Variants in SLC5A4 observed in about 807,000 individuals in gnomAD.
The protein encoded by SLC5A4 is solute carrier family 5 member 4.
A neutral mutation model predicts 70.3 loss-of-function variants in SLC5A4; 55 were observed. The observed-to-expected ratio is 0.78, with a 90% CI of 0.63 to 0.98. The LOEUF is 0.98. Ranked by LOEUF, SLC5A4 falls within the 50% of genes least tolerant of loss-of-function variation. SLC5A4 has a pLI of 0.00. For missense variants in SLC5A4, 735 were observed against 839.2 expected, an observed-to-expected ratio of 0.88 and a Z score of 1.53; for synonymous variants, 268 against 305.7, an observed-to-expected ratio of 0.88 and a Z score of 1.29.
chr22:32,266,494 A>G, the SLC5A4 span, among the ~76,000 whole-genome samples: 6 of 152,254 alleles, frequency 3.9e-5, no homozygotes, highest in Non-Finnish European at 8.8e-5. Flanking sequence ...TTAAGCACAA[A>G]CTATTTACAA....
the SLC5A4 span, among the ~76,000 whole-genome samples, chr22:32,350,923 C>G: frequency 6.7e-6 from 1 of 149,764 alleles, no homozygotes; most frequent in African/African-American, 2.5e-5. Context: ...AAAAAAAGTT[C>G]ATAACAAAGG....
chr22:32,229,387 A>C, intron 10 of SLC5A4, 43 bp from the exon 11 acceptor site: 1 of 1,599,946 alleles, frequency 6.3e-7, no homozygotes, highest in South Asian at 1.1e-5. Flanking sequence ...GTGGCTGGAC[A>C]CTGCCTTGCT....
the SLC5A4 span, among the ~76,000 whole-genome samples, chr22:32,303,450 G>A: frequency 2.0e-5 from 3 of 152,204 alleles, no homozygotes; most frequent in Non-Finnish European, 4.4e-5. Context: ...TGGCTTTAGT[G>A]AAACAATAGG....
chr22:32,240,555 T>C (rs1410357472), intron 5 of SLC5A4, among the ~76,000 whole-genome samples: 1 of 152,174 alleles, frequency 6.6e-6, no homozygotes, highest in Non-Finnish European at 1.5e-5. Context: ...TGTTTTAATT[T>C]TCCTAAAATT....
chr22:32,313,893 G>C, the SLC5A4 span, among the ~76,000 whole-genome samples: 1 of 152,176 alleles, frequency 6.6e-6, no homozygotes, highest in Admixed American at 6.5e-5. Context: ...AGAAGGCAGG[G>C]AGAAACTGGG....
intron 11 of SLC5A4, among the ~76,000 whole-genome samples, chr22:32,227,325 C>T (rs1038011834): frequency 2.6e-5 from 4 of 152,164 alleles, no homozygotes; most frequent in South Asian, 2.1e-4. Context: ...TGAACACCAA[C>T]CAGTACCTTC....
chr22:32,325,157 C>T, the SLC5A4 span, among the ~76,000 whole-genome samples: 1 of 152,252 alleles, frequency 6.6e-6, no homozygotes, highest in African/African-American at 2.4e-5. Flanking sequence ...CTCTTGGCCC[C>T]TCGCACTAGG....
the SLC5A4 span, among the ~76,000 whole-genome samples, chr22:32,333,665 C>T: frequency 2.6e-5 from 4 of 152,062 alleles, no homozygotes; most frequent in African/African-American, 9.7e-5. Flanking sequence ...GCATTCCTGG[C>T]CCGCCCCTGA....
At chr22:32,351,831 G>T in the SLC5A4 span, among the ~76,000 whole-genome samples, 2 of 150,852 alleles carry the variant, frequency 1.3e-5, no homozygotes, top group African/African-American at 2.4e-5. Context: ...TAAGGCCATT[G>T]CTTGTGATAA....
the SLC5A4 span, among the ~76,000 whole-genome samples, chr22:32,346,268 A>G: frequency 6.6e-6 from 1 of 152,212 alleles, no homozygotes; most frequent in Non-Finnish European, 1.5e-5. Context: ...TAATGAAAAA[A>G]GTGCTTGCTT....
the SLC5A4 span, among the ~76,000 whole-genome samples, chr22:32,331,660 C>G: frequency 6.6e-6 from 1 of 152,110 alleles, no homozygotes; most frequent in African/African-American, 2.4e-5. Context: ...ACAGTGCCTG[C>G]TGTGTTGCTG....
the SLC5A4 span, among the ~76,000 whole-genome samples, chr22:32,294,134 ATCTCTTCAAATAGTATT>A: frequency 6.6e-6 from 1 of 151,518 alleles, no homozygotes; most frequent in Non-Finnish European, 1.5e-5. Flanking sequence ...TTAGCCTTTT[ATCTCTTCAAATAGTATT>A]TCTCCTCCAA....
At chr22:32,260,078 G>A (rs1927685831), upstream of SLC5A4, among the ~76,000 whole-genome samples, 1 of 152,202 alleles carries the variant, frequency 6.6e-6, no homozygotes, top group Non-Finnish European at 1.5e-5. Context: ...GGACTCAGGG[G>A]CTTGTAAACA....
chr22:32,305,156 T>C, the SLC5A4 span, among the ~76,000 whole-genome samples: 366 of 152,140 alleles, frequency 2.4e-3, 13 homozygotes, highest in East Asian at 0.061. Context: ...TGGGTTATTA[T>C]GTACTTTTAA....
the SLC5A4 span, among the ~76,000 whole-genome samples, chr22:32,299,655 C>T: frequency 9.0e-5 from 9 of 100,212 alleles, 3 homozygotes; most frequent in Admixed American, 7.7e-4. Flanking sequence ...TCTCTCAGCT[C>T]GTCAAAGTCA....
At chr22:32,335,594 C>T in the SLC5A4 span, among the ~76,000 whole-genome samples, 1 of 152,208 alleles carries the variant, frequency 6.6e-6, no homozygotes, top group African/African-American at 2.4e-5. Context: ...CACATGGCAG[C>T]CCAGAGAGGT....
chr22:32,320,884 G>C, the SLC5A4 span, among the ~76,000 whole-genome samples: 1 of 151,454 alleles, frequency 6.6e-6, no homozygotes, highest in African/African-American at 2.4e-5. Context: ...CTCTGTGGAC[G>C]ATCCGGCAAC....
At chr22:32,302,870 G>A in the SLC5A4 span, among the ~76,000 whole-genome samples, 39 of 152,156 alleles carry the variant, frequency 2.6e-4, no homozygotes, top group East Asian at 3.9e-3. Flanking sequence ...AATCTTCCTG[G>A]GATTTTGGCA....
the SLC5A4 span, among the ~76,000 whole-genome samples, chr22:32,310,049 C>A: frequency 2.3e-3 from 18 of 7,886 alleles, no homozygotes; most frequent in Non-Finnish European, 4.4e-3. Context: ...TGGGTGGCAG[C>A]GGGGTGGGGA....
Sources: allele counts gnomAD v4.1 joint callset (sites outside exome capture counted in the v4.1 genomes callset), GRCh38; gene constraint gnomAD v4.1.1; transcripts MANE v1.5; gene names NCBI Gene and HGNC (gene_info 2026-07-23, HGNC 2026-07-21).